Variants in MALRD1 observed in about 807,000 individuals in gnomAD.
MALRD1 encodes MAM and LDL-receptor class A domain-containing protein 1.
Under a neutral mutation model 242.1 loss-of-function variants are expected in MALRD1, and 247 were observed. That is an observed-to-expected ratio of 1.02 (90% CI 0.92 to 1.13). The LOEUF is 1.13. Ranked by LOEUF, MALRD1 falls within the 50% of genes most tolerant of loss-of-function variation. The pLI is 0.00. For missense variants in MALRD1, 2,989 were observed against 2,533.1 expected, an observed-to-expected ratio of 1.18 and a Z score of -3.86; for synonymous variants, 995 against 866.6, an observed-to-expected ratio of 1.15 and a Z score of -2.60.
chr10:19,231,675 C>T lies in MALRD1; in HGVS notation c.2991+21995C>T, dbSNP rs192205350. 5.5e-4 allele frequency among the ~76,000 whole-genome samples: 84 copies of T among 152,156 alleles called. 1 individual carries two copies. The highest frequency in any genetic ancestry group is 1.9e-3 in the Admixed American group (29 of 15,274). On this transcript the variant is annotated intron_variant, in intron 18 of 39. Transcript: ENST00000454679. ...CCTTTGCTTCTTTTTTGCCTTCTGC[C>T]GTGACTGTGAGGCCTCCCCAGCCAT...
intron 5 of MALRD1, among the ~76,000 whole-genome samples, chr10:19,104,977 G>T (rs1339697513): frequency 6.6e-6 from 1 of 151,824 alleles, no homozygotes; most frequent in Non-Finnish European, 1.5e-5. Flanking sequence ...ATTAAATCAG[G>T]GTATTTAACT....
intron 38 of MALRD1, chr10:19,711,038 T>C (rs1413971418): frequency 1.3e-5 from 2 of 152,230 alleles, no homozygotes; most frequent in East Asian, 3.8e-4. Flanking sequence ...TCAGCACTTT[T>C]GACTAGTGTG....
intron 28 of MALRD1, among the ~76,000 whole-genome samples, chr10:19,399,424 T>C (rs557960848): frequency 6.6e-6 from 1 of 152,336 alleles, no homozygotes; most frequent in Admixed American, 6.5e-5. Flanking sequence ...TAATTTTTAA[T>C]GCATACTCTT....
chr10:19,378,910 G>C (rs1157969585), intron 26 of MALRD1, among the ~76,000 whole-genome samples: 2 of 152,042 alleles, frequency 1.3e-5, no homozygotes, highest in Admixed American at 6.6e-5. Flanking sequence ...ATGTGTTGTA[G>C]AATTCATCAG....
At chr10:19,582,042 G>A (rs1471618039) in intron 33 of MALRD1, among the ~76,000 whole-genome samples, 1 of 152,000 alleles carries the variant, frequency 6.6e-6, no homozygotes, top group East Asian at 1.9e-4. Context: ...GTCTGTTCAT[G>A]TCCTTTGCCC....
intron 18 of MALRD1, among the ~76,000 whole-genome samples, chr10:19,227,561 A>T (rs1837852594): frequency 6.6e-6 from 1 of 152,092 alleles, no homozygotes; most frequent in African/African-American, 2.4e-5. Flanking sequence ...ATAGCTAAAA[A>T]TTTTTTAGAT....
chr10:19,433,935 G>A (rs1358182843), intron 28 of MALRD1, among the ~76,000 whole-genome samples: 1 of 151,982 alleles, frequency 6.6e-6, no homozygotes, highest in Non-Finnish European at 1.5e-5. Flanking sequence ...ATGTGTTTGT[G>A]GGAATGAAAG....
At chr10:19,058,117 G>A (rs1834720952) in intron 1 of MALRD1, among the ~76,000 whole-genome samples, 1 of 152,122 alleles carries the variant, frequency 6.6e-6, no homozygotes, top group Non-Finnish European at 1.5e-5. Flanking sequence ...AGGAATAGTA[G>A]TTTTATTGTT....
chr10:19,559,621 A>G (rs1467609016), intron 32 of MALRD1, among the ~76,000 whole-genome samples: 1 of 152,166 alleles, frequency 6.6e-6, no homozygotes, highest in African/African-American at 2.4e-5. Context: ...AATGGCAACA[A>G]AGACCAAAAT....
intron 33 of MALRD1, among the ~76,000 whole-genome samples, chr10:19,573,940 G>A (rs1836679492): frequency 6.6e-6 from 1 of 152,066 alleles, no homozygotes; most frequent in Non-Finnish European, 1.5e-5. Context: ...TTATTGAATT[G>A]AAAGAAAATA....
At chr10:19,470,614 T>G (rs1836445603) in intron 29 of MALRD1, among the ~76,000 whole-genome samples, 1 of 151,958 alleles carries the variant, frequency 6.6e-6, no homozygotes, top group African/African-American at 2.4e-5. Flanking sequence ...TTCAAAACAA[T>G]AGCCATCCCA....
chr10:19,310,922 A>G (rs918049712), intron 21 of MALRD1, among the ~76,000 whole-genome samples: 1 of 151,494 alleles, frequency 6.6e-6, no homozygotes, highest in Non-Finnish European at 1.5e-5. Flanking sequence ...GTCTGTAAGC[A>G]TCTCAAGGGA....
chr10:19,184,022 C>A (rs542027497), intron 14 of MALRD1, among the ~76,000 whole-genome samples: 1 of 152,188 alleles, frequency 6.6e-6, no homozygotes, highest in East Asian at 1.9e-4. Context: ...ATGACAGATA[C>A]AACATATCTC....
chr10:19,130,381 CCTT>C (rs561740413), intron 8 of MALRD1, among the ~76,000 whole-genome samples: 28 of 152,206 alleles, frequency 1.8e-4, no homozygotes, highest in African/African-American at 6.0e-4. Flanking sequence ...ATTTCCAACT[CCTT>C]CTTCAATAAA....
chr10:19,572,310 C>T (rs1334680567), intron 33 of MALRD1, among the ~76,000 whole-genome samples: 1 of 152,184 alleles, frequency 6.6e-6, no homozygotes, highest in Non-Finnish European at 1.5e-5. Context: ...AATGTGTTTT[C>T]TGTTTTACTT....
intron 28 of MALRD1, among the ~76,000 whole-genome samples, chr10:19,393,416 T>C (rs1281140016): frequency 2.0e-5 from 3 of 151,270 alleles, no homozygotes; most frequent in African/African-American, 7.3e-5. Flanking sequence ...ACCTATTTTC[T>C]AGTCACTTGT....
At chr10:19,388,748 ATTCCTTGGTGAAGGAACTTTT>A (rs1181027276) in intron 27 of MALRD1, among the ~76,000 whole-genome samples, 2 of 152,154 alleles carry the variant, frequency 1.3e-5, no homozygotes, top group East Asian at 1.9e-4. Flanking sequence ...TTGTTACTTT[ATTCCTTGGTGAAGGAACTTTT>A]TTCCTTGGTG....
intron 33 of MALRD1, among the ~76,000 whole-genome samples, chr10:19,591,085 C>T (rs997287289): frequency 6.6e-6 from 1 of 152,176 alleles, no homozygotes; most frequent in Non-Finnish European, 1.5e-5. Flanking sequence ...CCCCATAATT[C>T]CTGGCAGATA....
At chr10:19,105,343 T>C (rs1192916267) in intron 5 of MALRD1, among the ~76,000 whole-genome samples, 1 of 152,084 alleles carries the variant, frequency 6.6e-6, no homozygotes, top group Non-Finnish European at 1.5e-5. Flanking sequence ...TAGGCTTTTA[T>C]TCCTTTTATA....
Sources: gnomAD v4.1 joint callset for allele counts (sites outside exome capture counted in the v4.1 genomes callset) on GRCh38, gnomAD v4.1.1 for gene constraint, MANE v1.5 for transcripts, NCBI Gene and HGNC (gene_info 2026-07-23, HGNC 2026-07-21) for gene names.